NTRK3: variants seen among roughly 807,000 people sequenced by gnomAD.
NTRK3 encodes the protein neurotrophic receptor tyrosine kinase 3.
A neutral mutation model predicts 91.7 loss-of-function variants in NTRK3; 24 were observed. The observed-to-expected ratio is 0.26, with a 90% CI of 0.19 to 0.37. The LOEUF is 0.37. Ranked by LOEUF, NTRK3 falls within the 10% of genes least tolerant of loss-of-function variation. The pLI is 1.00. For missense variants in NTRK3, 880 were observed against 1,068.9 expected (o/e 0.82, Z 2.46); for synonymous variants, 483 against 404.0 (o/e 1.20, Z -2.34).
intron 17 of NTRK3, among the ~76,000 whole-genome samples, chr15:87,915,071 G>A (rs2141781090): frequency 6.6e-6 from 1 of 152,242 alleles, no homozygotes; most frequent in East Asian, 1.9e-4. Context: ...TGGTGGTGGT[G>A]ATGGTGTTGG....
chr15:87,886,699 T>TATATATATATATATATATATATACAC (rs1265075771), intron 17 of NTRK3, among the ~76,000 whole-genome samples: 4 of 138,482 alleles, frequency 2.9e-5, no homozygotes, highest in African/African-American at 1.1e-4. Flanking sequence ...TATATATATA[T>TATATATATATATATATATATATACAC]ACATATATAC....
At chr15:88,150,621 A>C (rs2151341574) in intron 5 of NTRK3, among the ~76,000 whole-genome samples, 1 of 152,134 alleles carries the variant, frequency 6.6e-6, no homozygotes, top group East Asian at 1.9e-4. Flanking sequence ...AGACACAGAC[A>C]ACCCAGTGCC....
rs913244470 is a variant in NTRK3 at position 88,130,155 on chromosome 15, T to C, written c.1205-1421A>G. On this transcript the variant is annotated intron_variant, in intron 10 of 18. Coordinates refer to ENST00000394480, the Ensembl canonical transcript of NTRK3. ...TTTAAGCCACCCAGTCTATGGTATTTCACTGCTGTGACATTCCTAGCAAAC... is the reference window on the plus strand; with the variant it reads ...TTTAAGCCACCCAGTCTATGGTATTCCACTGCTGTGACATTCCTAGCAAAC... Among the ~76,000 whole-genome samples, 31 of 152,244 alleles carry C rather than the reference T, an allele frequency of 2.0e-4. 1 individual carries two copies. Among genetic ancestry groups the C allele is most frequent in the Admixed American group, 1.6e-3 (25 of 15,290 alleles).
chr15:88,026,487 GGGATAAACAGAT>G (rs1251587457), intron 14 of NTRK3, among the ~76,000 whole-genome samples: 1 of 152,008 alleles, frequency 6.6e-6, no homozygotes, highest in Non-Finnish European at 1.5e-5. Flanking sequence ...AGGGTGTGAG[GGGATAAACAGAT>G]GGAGGACAGC....
intron 17 of NTRK3, among the ~76,000 whole-genome samples, chr15:87,889,966 A>ATTTATTTTAT (rs1555430514): frequency 4.8e-4 from 72 of 149,988 alleles, no homozygotes; most frequent in African/African-American, 1.7e-3. Flanking sequence ...TTATTTATTT[A>ATTTATTTTAT]TTTATTTATT....
intron 14 of NTRK3, among the ~76,000 whole-genome samples, chr15:88,015,826 C>T (rs568375668): frequency 6.6e-6 from 1 of 152,064 alleles, no homozygotes; most frequent in Admixed American, 6.6e-5. Context: ...CTGGAGTTGG[C>T]ACTGTAATGA....
intron 6 of NTRK3, among the ~76,000 whole-genome samples, chr15:88,142,353 A>G (rs2042466922): frequency 6.6e-6 from 1 of 152,260 alleles, no homozygotes; most frequent in Admixed American, 6.5e-5. Flanking sequence ...AACACCCGGC[A>G]CTTGCCCCAA....
At chr15:87,917,341 G>A (rs1423496219) in intron 17 of NTRK3, among the ~76,000 whole-genome samples, 1 of 152,206 alleles carries the variant, frequency 6.6e-6, no homozygotes, top group African/African-American at 2.4e-5. Flanking sequence ...CCCAGAAGAT[G>A]CACTGGAATA....
chr15:87,959,493 C>G (rs953535859), intron 14 of NTRK3, among the ~76,000 whole-genome samples: 3 of 152,188 alleles, frequency 2.0e-5, no homozygotes, highest in Non-Finnish European at 4.4e-5. Context: ...GGCAGGCGTG[C>G]TAGTTATTAA....
At chr15:88,161,261 T>A (rs1019149104) in intron 5 of NTRK3, among the ~76,000 whole-genome samples, 4 of 152,190 alleles carry the variant, frequency 2.6e-5, no homozygotes, top group Non-Finnish European at 5.9e-5. Flanking sequence ...GAGAGGAGAT[T>A]ACAGAGCAAG....
intron 3 of NTRK3, among the ~76,000 whole-genome samples, chr15:88,189,245 A>G (rs1331678158): frequency 2.6e-5 from 4 of 152,162 alleles, no homozygotes; most frequent in Non-Finnish European, 2.9e-5. Context: ...AGTCTGAAAC[A>G]TACCCACTCT....
At chr15:88,066,138 A>G (rs1052011231) in intron 13 of NTRK3, among the ~76,000 whole-genome samples, 1 of 152,186 alleles carries the variant, frequency 6.6e-6, no homozygotes, top group Non-Finnish European at 1.5e-5. Context: ...AAACTATTTT[A>G]ATGTCAATTC....
intron 5 of NTRK3, among the ~76,000 whole-genome samples, chr15:88,149,012 G>A (rs934220146): frequency 1.3e-5 from 2 of 152,158 alleles, no homozygotes; most frequent in Non-Finnish European, 2.9e-5. Context: ...CCTTCCCCTT[G>A]CAAATATGAA....
At chr15:88,152,025 G>C (rs901870210) in intron 5 of NTRK3, among the ~76,000 whole-genome samples, 4 of 152,130 alleles carry the variant, frequency 2.6e-5, no homozygotes, top group African/African-American at 7.2e-5. Flanking sequence ...ACCCAGCCGG[G>C]CGCCGTGGCT....
chr15:87,896,724 T>C (rs926278922), intron 17 of NTRK3, among the ~76,000 whole-genome samples: 1 of 152,158 alleles, frequency 6.6e-6, no homozygotes, highest in Non-Finnish European at 1.5e-5. Flanking sequence ...CAGATACATG[T>C]CCATCTGTGG....
chr15:88,169,422 C>A (rs1257154319), intron 5 of NTRK3, among the ~76,000 whole-genome samples: 4 of 152,104 alleles, frequency 2.6e-5, no homozygotes, highest in Admixed American at 1.3e-4. Context: ...GGAGGAAGCA[C>A]CAAGATGCCC....
At chr15:88,194,735 C>T (rs1240654780) in intron 3 of NTRK3, among the ~76,000 whole-genome samples, 1 of 152,190 alleles carries the variant, frequency 6.6e-6, no homozygotes, top group Admixed American at 6.5e-5. Context: ...AGTGGCTTCT[C>T]CTGCACTTGG....
intron 5 of NTRK3, among the ~76,000 whole-genome samples, chr15:88,181,606 A>C (rs1218899910): frequency 1.3e-5 from 2 of 152,110 alleles, no homozygotes; most frequent in Admixed American, 1.3e-4. Context: ...CCTCCCCCAA[A>C]TACGACCTCG....
chr15:88,066,556 C>A (rs2046666951), intron 13 of NTRK3, among the ~76,000 whole-genome samples: 1 of 152,176 alleles, frequency 6.6e-6, no homozygotes, highest in Non-Finnish European at 1.5e-5. Context: ...AACAGAACTG[C>A]AAAGTCCTCC....
Sources: gnomAD v4.1 joint callset for allele counts (sites outside exome capture counted in the v4.1 genomes callset) on GRCh38, gnomAD v4.1.1 for gene constraint, MANE v1.5 for transcripts, NCBI Gene and HGNC (gene_info 2026-07-23, HGNC 2026-07-21) for gene names.